Variants in TSC22D1 observed in about 807,000 individuals in gnomAD.
TSC22D1 encodes the protein TSC22 domain family protein 1.
TSC22D1 carries 9 observed loss-of-function variants against 74.2 expected under a neutral mutation model. The observed-to-expected ratio is 0.12, with a 90% CI of 0.07 to 0.21. The LOEUF (loss-of-function observed/expected upper bound fraction) is 0.21, where lower values mean the gene tolerates loss of function less well. Ranked by LOEUF, TSC22D1 falls within the 10% of genes least tolerant of loss-of-function variation. The pLI is 1.00. For synonymous variants in TSC22D1, 586 were observed against 492.5 expected (o/e 1.19, Z -2.51); for missense variants, 1,427 against 1,304.7 (o/e 1.09, Z -1.44).
intron 1 of TSC22D1, among the ~76,000 whole-genome samples, chr13:44,480,881 G>C (rs1258218202): frequency 6.6e-6 from 1 of 152,164 alleles, no homozygotes; most frequent in Non-Finnish European, 1.5e-5. Context: ...AGGTCATAGA[G>C]ATTATGGGGG....
chr13:44,550,132 T>G, intron 1 of TSC22D1, among the ~76,000 whole-genome samples: 1 of 152,158 alleles, frequency 6.6e-6, no homozygotes, highest in East Asian at 1.9e-4. Context: ...AATTAACAAT[T>G]TTAAAAATAT....
intron 1 of TSC22D1, among the ~76,000 whole-genome samples, chr13:44,476,679 TTTTC>T (rs1877930181): frequency 6.6e-6 from 1 of 152,166 alleles, no homozygotes; most frequent in African/African-American, 2.4e-5. Flanking sequence ...TCTTTTTATA[TTTTC>T]TTTTTCTTTT....
intron 1 of TSC22D1, among the ~76,000 whole-genome samples, chr13:44,561,083 G>A (rs1883008785): frequency 6.6e-6 from 1 of 152,104 alleles, no homozygotes; most frequent in African/African-American, 2.4e-5. Flanking sequence ...AGGGAGAGGA[G>A]GGGACATGGC....
At chr13:44,478,313 C>T (rs1878019445) in intron 1 of TSC22D1, among the ~76,000 whole-genome samples, 1 of 152,008 alleles carries the variant, frequency 6.6e-6, no homozygotes, top group South Asian at 2.1e-4. Context: ...TATTGAACTC[C>T]ACACACTAAG....
chr13:44,550,032 T>G (rs1882124459), intron 1 of TSC22D1, among the ~76,000 whole-genome samples: 1 of 152,180 alleles, frequency 6.6e-6, no homozygotes, highest in South Asian at 2.1e-4. Context: ...AGGAATAAAA[T>G]TTTGATAGCG....
intron 1 of TSC22D1, among the ~76,000 whole-genome samples, chr13:44,461,259 C>T (rs79765739): frequency 0.015 from 2,315 of 152,224 alleles, 47 homozygotes; most frequent in African/African-American, 0.052. Context: ...TAATAGCTGA[C>T]CTGGAATATG....
intron 1 of TSC22D1, among the ~76,000 whole-genome samples, chr13:44,523,858 G>A (rs931328464): frequency 4.6e-5 from 7 of 152,152 alleles, no homozygotes; most frequent in African/African-American, 1.4e-4. Flanking sequence ...ATGTATGAAA[G>A]CATAATTAGA....
chr13:44,483,477 C>T (rs554052748), intron 1 of TSC22D1, among the ~76,000 whole-genome samples: 1 of 151,982 alleles, frequency 6.6e-6, no homozygotes, highest in Non-Finnish European at 1.5e-5. Context: ...CTGGCTAACA[C>T]AGTGAAACGC....
intron 1 of TSC22D1, among the ~76,000 whole-genome samples, chr13:44,460,436 G>C (rs1876937159): frequency 6.6e-6 from 1 of 152,200 alleles, no homozygotes; most frequent in Admixed American, 6.5e-5. Flanking sequence ...CATTGTTTTT[G>C]GTAAAAGGGC....
chr13:44,574,290 A>C lies in TSC22D1; in HGVS notation c.1785T>G (p.Pro595=). Residue 595 remains proline (P), a synonymous_variant, in exon 1 of 3, where the codon CCT becomes CCG. Coordinates refer to ENST00000458659, the MANE Select transcript of TSC22D1 (RefSeq NM_183422.4). The part of the protein sequence containing the change: ...VGVTSALGQQ[P]SISSLAQPQL... The stretch of plus-strand genomic sequence containing the variant: ...GGGGTTGAGCCAAACTGGAAATGGA[A>C]GGCTGCTGACCTAAAGCTGAAGTTA... 1 of 1,614,226 alleles carries C rather than the reference A, an allele frequency of 6.2e-7. No individual in the cohort carries two copies. The highest frequency in any genetic ancestry group is 8.5e-7 in the Non-Finnish European group (1 of 1,180,030).
At chr13:44,577,004 C>G (rs1014336968), upstream of TSC22D1, 3 of 152,596 alleles carry the variant, frequency 2.0e-5, no homozygotes, top group Non-Finnish European at 4.4e-5. Flanking sequence ...TGCGCTAGGG[C>G]GGAGGGTGCG....
chr13:44,464,778 C>G (rs1595097288), intron 1 of TSC22D1, among the ~76,000 whole-genome samples: 1 of 152,220 alleles, frequency 6.6e-6, no homozygotes, highest in South Asian at 2.1e-4. Context: ...GGAGCCCCTA[C>G]CAGCTTTGTG....
intron 1 of TSC22D1, among the ~76,000 whole-genome samples, chr13:44,511,315 A>G (rs1366518076): frequency 1.3e-5 from 2 of 152,056 alleles, no homozygotes. Flanking sequence ...TTCAAACAAC[A>G]TAAACAAAAA....
At chr13:44,489,206 C>CAAA (rs34867283) in intron 1 of TSC22D1, among the ~76,000 whole-genome samples, 15 of 134,676 alleles carry the variant, frequency 1.1e-4, no homozygotes, top group African/African-American at 2.9e-4. Flanking sequence ...TCATTTCATG[C>CAAA]AAAAAAAAAA....
chr13:44,461,564 A>G (rs1200759788), intron 1 of TSC22D1, among the ~76,000 whole-genome samples: 1 of 152,236 alleles, frequency 6.6e-6, no homozygotes, highest in East Asian at 1.9e-4. Flanking sequence ...AAAATCATTA[A>G]TTAGACCAGA....
intron 1 of TSC22D1, chr13:44,539,459 A>C (rs1444483561): frequency 1.0e-6 from 1 of 985,296 alleles, no homozygotes; most frequent in East Asian, 1.1e-4. Context: ...AAGAGCACTT[A>C]GAAGTCCACT....
intron 1 of TSC22D1, among the ~76,000 whole-genome samples, chr13:44,482,844 A>G (rs1215337024): frequency 6.6e-6 from 1 of 152,234 alleles, no homozygotes; most frequent in African/African-American, 2.4e-5. Context: ...TAAAATATTA[A>G]TGATAGCAAC....
chr13:44,531,762 T>C (rs1429524932), intron 1 of TSC22D1, among the ~76,000 whole-genome samples: 1 of 152,194 alleles, frequency 6.6e-6, no homozygotes, highest in Non-Finnish European at 1.5e-5. Context: ...ATATTTTAAA[T>C]GGTAATTAAA....
intron 1 of TSC22D1, among the ~76,000 whole-genome samples, chr13:44,477,638 A>ATTTTTTTTT (rs35355914): frequency 8.0e-6 from 1 of 125,390 alleles, no homozygotes; most frequent in African/African-American, 3.0e-5. Context: ...GTGCTCATAG[A>ATTTTTTTTT]TTTTTTTTTT....
Sources: allele counts gnomAD v4.1 joint callset (sites outside exome capture counted in the v4.1 genomes callset), GRCh38; gene constraint gnomAD v4.1.1; transcripts MANE v1.5; gene names NCBI Gene and HGNC (gene_info 2026-07-23, HGNC 2026-07-21).